The following TNIK variants were observed in gnomAD, a reference collection of about 807,000 sequenced individuals.
TNIK encodes the protein TRAF2 and NCK-interacting protein kinase.
In TNIK, 49 loss-of-function variants were observed where a neutral mutation model predicts 191.3. That is an observed-to-expected ratio of 0.26 (90% CI 0.20 to 0.32). TNIK has a LOEUF of 0.32. Ranked by LOEUF, TNIK falls within the 10% of genes least tolerant of loss-of-function variation. The pLI is 1.00. For missense variants in TNIK, 1,155 were observed against 1,702.3 expected, an observed-to-expected ratio of 0.68 and a Z score of 5.66; for synonymous variants, 594 against 600.9, an observed-to-expected ratio of 0.99 and a Z score of 0.17.
At chr3:171,386,458 T>A (rs989746805) in intron 1 of TNIK, among the ~76,000 whole-genome samples, 1 of 150,942 alleles carries the variant, frequency 6.6e-6, no homozygotes, top group Non-Finnish European at 1.5e-5. Flanking sequence ...AAATTTCTGG[T>A]TTGCAGTGGA....
At chr3:171,151,388 T>G (rs977221175) in intron 12 of TNIK, among the ~76,000 whole-genome samples, 17 of 152,272 alleles carry the variant, frequency 1.1e-4, no homozygotes, top group African/African-American at 3.6e-4. Context: ...AAGGTTTTAC[T>G]GTAGCACATA....
In TNIK at chr3:171,446,088, T is replaced by C. The variant is rs1338551269; in HGVS notation, c.57+13919A>G. ...TGCACAAAAACAGTCCAACAGAATCTGAACTCTAACTTTCCCATCATTGTA... is the reference window on the plus strand; with the variant it reads ...TGCACAAAAACAGTCCAACAGAATCCGAACTCTAACTTTCCCATCATTGTA... On this transcript the variant is annotated intron_variant, in intron 1 of 32. Transcript: ENST00000436636. Among the ~76,000 whole-genome samples, 4 of 152,230 alleles carry C rather than the reference T, an allele frequency of 2.6e-5. No individual in the cohort carries two copies. In the East Asian group the frequency reaches 7.7e-4, roughly 29 times the overall value.
intron 2 of TNIK, among the ~76,000 whole-genome samples, chr3:171,293,247 T>C (rs752201494): frequency 1.4e-4 from 21 of 152,186 alleles, no homozygotes; most frequent in Non-Finnish European, 2.8e-4. Context: ...TGATGAACTA[T>C]AGGTTGGCTA....
chr3:171,272,267 G>C (rs1749197635), intron 2 of TNIK, among the ~76,000 whole-genome samples: 1 of 152,234 alleles, frequency 6.6e-6, no homozygotes, highest in Admixed American at 6.5e-5. Flanking sequence ...TGCAGGGCAA[G>C]GTGTGGGTAC....
chr3:171,181,171 G>T (rs1280653165), intron 7 of TNIK, among the ~76,000 whole-genome samples: 2 of 152,178 alleles, frequency 1.3e-5, no homozygotes, highest in Non-Finnish European at 2.9e-5. Flanking sequence ...AGGCAGATCC[G>T]AATTCAAATA....
chr3:171,100,830 G>A (rs1388098757), intron 22 of TNIK, among the ~76,000 whole-genome samples: 1 of 147,850 alleles, frequency 6.8e-6, no homozygotes, highest in African/African-American at 2.5e-5. Flanking sequence ...CATAAAAAGA[G>A]AACTGCAAAG....
rs1040546354 is a variant in TNIK, at chr3:171,366,935, C to T, written c.123+2685G>A. On this transcript the variant is annotated intron_variant, in intron 2 of 32. Coordinates refer to ENST00000436636, the MANE Select transcript of TNIK (RefSeq NM_015028.4). The surrounding 1 kb of genome is among the most constrained non-coding windows in gnomAD (Gnocchi z 4.1). ...TACTGGGCACTGATTCTCTCTCCTG[C>T]CACCCTGTGAAGAGGTGGCTTCTGC... 6.6e-6 allele frequency among the ~76,000 whole-genome samples: 1 copy of T among 152,188 alleles called. No individual in the cohort carries two copies. The highest frequency in any genetic ancestry group is 2.4e-5 in the African/African-American group (1 of 41,454).
intron 1 of TNIK, among the ~76,000 whole-genome samples, chr3:171,456,035 G>A (rs560695993): frequency 1.3e-5 from 2 of 152,332 alleles, no homozygotes; most frequent in East Asian, 3.9e-4. Context: ...GGGTTTCAAT[G>A]GAGAAAGGAA....
intron 3 of TNIK, among the ~76,000 whole-genome samples, chr3:171,216,717 A>C (rs920853438): frequency 5.3e-5 from 8 of 152,168 alleles, no homozygotes; most frequent in African/African-American, 1.9e-4. Flanking sequence ...AATCACCTAA[A>C]ATTATCTCAG....
chr3:171,202,225 G>A (rs768441226), intron 4 of TNIK, among the ~76,000 whole-genome samples: 6 of 151,224 alleles, frequency 4.0e-5, no homozygotes, highest in Non-Finnish European at 7.4e-5. Flanking sequence ...TTTTTTTTTG[G>A]TAGGAGTAAG....
intron 4 of TNIK, among the ~76,000 whole-genome samples, chr3:171,205,262 T>C (rs1739914655): frequency 6.6e-6 from 1 of 152,214 alleles, no homozygotes; most frequent in African/African-American, 2.4e-5. Flanking sequence ...ACCACATCAA[T>C]CAACTAGGAA....
At chr3:171,249,672 T>G (rs2109076549) in intron 2 of TNIK, among the ~76,000 whole-genome samples, 1 of 152,350 alleles carries the variant, frequency 6.6e-6, no homozygotes, top group East Asian at 1.9e-4. Flanking sequence ...ATTTGCTGCC[T>G]ATGATATTAG....
chr3:171,264,113 T>C (rs7634121), intron 2 of TNIK, among the ~76,000 whole-genome samples: 1,834 of 57,928 alleles, frequency 0.032, 14 homozygotes, highest in Middle Eastern at 0.039. Context: ...CACACACACA[T>C]ATATATATAT....
chr3:171,372,645 C>T (rs1469566927), intron 1 of TNIK, among the ~76,000 whole-genome samples: 2 of 152,178 alleles, frequency 1.3e-5, no homozygotes, highest in African/African-American at 4.8e-5. Context: ...GGATGCCCCC[C>T]AATACCCGTC....
Position 171,243,477 on chromosome 3 carries a change from C to T in TNIK, c.124-15256G>A, listed in dbSNP as rs74965756. Among the ~76,000 whole-genome samples the T allele has an allele frequency of 8.6e-5, 13 of 151,600 alleles. No homozygotes were observed. In the East Asian group the frequency reaches 2.5e-3, roughly 29 times the overall value. On this transcript the variant is annotated intron_variant, in intron 2 of 32. Transcript: ENST00000436636. ...CCAACTCACAAGCCACATTGTTACA[C>T]AACTCCAAAAAGCACCCTTCCCATT...
intron 2 of TNIK, among the ~76,000 whole-genome samples, chr3:171,333,584 G>GAA (rs562856294): frequency 2.6e-5 from 3 of 114,262 alleles, no homozygotes; most frequent in Admixed American, 9.2e-5. Context: ...CAAAAAGAAA[G>GAA]AAAAAAAAAA....
chr3:171,207,560 T>C (rs927644240), intron 4 of TNIK, among the ~76,000 whole-genome samples: 4 of 152,080 alleles, frequency 2.6e-5, no homozygotes, highest in Non-Finnish European at 4.4e-5. Context: ...AAAGTCAGGA[T>C]ACCCGTTTTC....
At chr3:171,268,241 T>C (rs967110654) in intron 2 of TNIK, among the ~76,000 whole-genome samples, 2 of 152,176 alleles carry the variant, frequency 1.3e-5, no homozygotes, top group Non-Finnish European at 2.9e-5. Flanking sequence ...TGTGTCTTTA[T>C]GTTGCCTAAT....
rs1577109625 is a variant in TNIK at position 171,203,265 on chromosome 3, C to T, written c.306+7851G>A. ...CAGAATTAGGTTTAGGAGTTGTGGC[C>T]AACATCAATGCAGAGTCTAAAAAGG... is the stretch of plus-strand genomic sequence containing the variant. On this transcript the variant is annotated intron_variant, in intron 4 of 32. Transcript: ENST00000436636. Among the ~76,000 whole-genome samples, 4 of 152,206 alleles carry T rather than the reference C, an allele frequency of 2.6e-5. No homozygotes were observed. In the South Asian group the frequency reaches 8.3e-4, roughly 32 times the overall value.
Sources: allele counts gnomAD v4.1 joint callset (sites outside exome capture counted in the v4.1 genomes callset), GRCh38; gene constraint gnomAD v4.1.1; non-coding constraint Gnocchi (gnomAD v3.1); transcripts MANE v1.5; gene names NCBI Gene and HGNC (gene_info 2026-07-23, HGNC 2026-07-21).